Variants in RTN1 observed in about 807,000 individuals in gnomAD.
RTN1 encodes reticulon 1.
A neutral mutation model predicts 65.5 loss-of-function variants in RTN1; 25 were observed. The ratio of observed to expected loss-of-function variants is 0.38; its 90% CI spans 0.28 to 0.53. The LOEUF (loss-of-function observed/expected upper bound fraction) is 0.53. Ranked by LOEUF, RTN1 falls within the 20% of genes least tolerant of loss-of-function variation. The pLI, the probability that RTN1 is intolerant of heterozygous loss-of-function variation, is 0.79. For missense variants in RTN1, 983 were observed against 1,025.4 expected, an observed-to-expected ratio of 0.96 and a Z score of 0.57; for synonymous variants, 471 against 447.6, an observed-to-expected ratio of 1.05 and a Z score of -0.66.
At chr14:59,625,643 A>T (rs780101388) in intron 3 of RTN1, among the ~76,000 whole-genome samples, 10 of 152,172 alleles carry the variant, frequency 6.6e-5, no homozygotes, top group Non-Finnish European at 1.2e-4. Flanking sequence ...TATTCAGCAA[A>T]TCTTAACAAC....
At chr14:59,837,578 C>G (rs542602032) in intron 1 of RTN1, among the ~76,000 whole-genome samples, 30 of 151,800 alleles carry the variant, frequency 2.0e-4, no homozygotes, top group African/African-American at 7.2e-4. Flanking sequence ...GAACTTTTAT[C>G]AAGAGAAACA....
At chr14:59,728,929 T>C (rs1303771094) in intron 2 of RTN1, among the ~76,000 whole-genome samples, 1 of 152,156 alleles carries the variant, frequency 6.6e-6, no homozygotes, top group African/African-American at 2.4e-5. Context: ...ACAAACAATA[T>C]ATATAGTAAA....
chr14:59,791,450 T>C (rs1349395223), intron 1 of RTN1, among the ~76,000 whole-genome samples: 2 of 152,232 alleles, frequency 1.3e-5, no homozygotes, highest in South Asian at 2.1e-4. Flanking sequence ...GTGCTGCACC[T>C]GGGTGCACAT....
intron 3 of RTN1, among the ~76,000 whole-genome samples, chr14:59,673,629 G>A (rs967869864): frequency 8.5e-5 from 13 of 152,256 alleles, no homozygotes; most frequent in African/African-American, 3.1e-4. Flanking sequence ...CATGCTGATT[G>A]GTCCATGGGT....
intron 3 of RTN1, among the ~76,000 whole-genome samples, chr14:59,669,036 AG>A (rs1196803313): frequency 4.6e-5 from 7 of 152,322 alleles, no homozygotes; most frequent in Admixed American, 3.3e-4. Context: ...CCACTGTGGA[AG>A]ACAGTGTGGC....
Position 59,817,850 on chromosome 14 carries a change from G to A in RTN1, c.241+52540C>T, listed in dbSNP as rs140770710. ...AGTGCTTAACACTTGTTTCCTTACC[G>A]TGAGATCAAATAGTTTTCTTTTTTT... On this transcript the variant is annotated intron_variant, in intron 1 of 8. Coordinates refer to ENST00000267484, the MANE Select transcript of RTN1 (RefSeq NM_021136.3). Among the ~76,000 whole-genome samples, 11 of 152,206 alleles carry A rather than the reference G, an allele frequency of 7.2e-5. No individual in the cohort carries two copies. The East Asian group carries it at 1.5e-3, about 21-fold the overall frequency.
Position 59,603,944 on chromosome 14 carries a change from G to C in RTN1, c.2113-23C>G, listed in dbSNP as rs201840289. The C allele has an allele frequency of 1.8e-4, 293 of 1,601,868 alleles. 1 individual carries two copies. The highest frequency in any genetic ancestry group is 1.5e-3 in the Middle Eastern group (9 of 6,008). On this transcript the variant is annotated intron_variant, in intron 5 of 8. Transcript: ENST00000267484. ...AAACTGAAGAACGAAAGCATTATTA[G>C]AGCTCCTAAAACCCTTCCTGACAAG...
rs976514247 is a variant in RTN1 at position 59,825,041 on chromosome 14, T to C, written c.241+45349A>G. Among the ~76,000 whole-genome samples the C allele has an allele frequency of 3.3e-5, 5 of 152,170 alleles. No homozygotes were observed. Among genetic ancestry groups the C allele is most frequent in the Non-Finnish European group, 7.4e-5 (5 of 68,024 alleles). On this transcript the variant is annotated intron_variant, in intron 1 of 8. Transcript: ENST00000267484. The surrounding 1 kb of genome is among the most constrained non-coding windows in gnomAD (Gnocchi z 4.2). ...AGGGTAAAAACTTTCAGTTACAAGA[T>C]AAATAAGTTCTGGAAATCTAATGTA...
chr14:59,614,738 C>T (rs1027150753), intron 3 of RTN1, among the ~76,000 whole-genome samples: 1 of 152,146 alleles, frequency 6.6e-6, no homozygotes, highest in Non-Finnish European at 1.5e-5. Flanking sequence ...AAGCCAAGTC[C>T]ACTAGCTATG....
chr14:59,776,622 T>G (rs1204473643), intron 1 of RTN1, among the ~76,000 whole-genome samples: 1 of 152,132 alleles, frequency 6.6e-6, no homozygotes, highest in Non-Finnish European at 1.5e-5. Context: ...TTAGCCCTTC[T>G]CTCTATCTCA....
At chr14:59,756,882 T>A (rs1594727486) in intron 1 of RTN1, among the ~76,000 whole-genome samples, 1 of 147,234 alleles carries the variant, frequency 6.8e-6, no homozygotes, top group African/African-American at 2.5e-5. Context: ...TGGAGTGCAG[T>A]GGTACCATCA....
chr14:59,823,752 G>C (rs1260714668), intron 1 of RTN1, among the ~76,000 whole-genome samples: 1 of 152,014 alleles, frequency 6.6e-6, no homozygotes, highest in Non-Finnish European at 1.5e-5. Context: ...GTGTGTCTTG[G>C]GGATGGTTGT....
At chr14:59,653,089 G>A (rs559356406) in intron 3 of RTN1, among the ~76,000 whole-genome samples, 3 of 152,158 alleles carry the variant, frequency 2.0e-5, no homozygotes, top group South Asian at 2.1e-4. Flanking sequence ...CAAACCTCAC[G>A]TAGTTTAAAG....
chr14:59,702,527 G>T (rs1884201212), intron 3 of RTN1, among the ~76,000 whole-genome samples: 1 of 152,134 alleles, frequency 6.6e-6, no homozygotes, highest in Non-Finnish European at 1.5e-5. Flanking sequence ...TAGGGCTGCT[G>T]AAACCCAAAA....
intron 3 of RTN1, among the ~76,000 whole-genome samples, chr14:59,668,749 A>G (rs947549388): frequency 6.6e-6 from 1 of 152,202 alleles, no homozygotes; most frequent in African/African-American, 2.4e-5. Flanking sequence ...ATTCAAACAA[A>G]TTTACAAGAA....
intron 3 of RTN1, among the ~76,000 whole-genome samples, chr14:59,687,932 C>T (rs1883882088): frequency 6.6e-6 from 1 of 152,108 alleles, no homozygotes; most frequent in South Asian, 2.1e-4. Context: ...TACAGAGAGC[C>T]TGTTTGCCTA....
intron 3 of RTN1, among the ~76,000 whole-genome samples, chr14:59,612,168 G>A (rs1350578002): frequency 6.6e-6 from 1 of 152,198 alleles, no homozygotes; most frequent in Non-Finnish European, 1.5e-5. Context: ...GATGGAAAAT[G>A]TTAATTCGGT....
chr14:59,712,698 G>T (rs1377249299), intron 3 of RTN1, among the ~76,000 whole-genome samples: 1 of 152,162 alleles, frequency 6.6e-6, no homozygotes, highest in Non-Finnish European at 1.5e-5. Context: ...GATCACCTGA[G>T]GTCAGGAGTT....
At chr14:59,750,311 ATAATATC>A (rs1277502866) in intron 1 of RTN1, among the ~76,000 whole-genome samples, 2 of 56,202 alleles carry the variant, frequency 3.6e-5, no homozygotes, top group East Asian at 6.7e-4. Flanking sequence ...TATATAATAT[ATAATATC>A]TATAATATAT....
Sources: gnomAD v4.1 joint callset for allele counts (sites outside exome capture counted in the v4.1 genomes callset) on GRCh38, gnomAD v4.1.1 for gene constraint, Gnocchi (gnomAD v3.1) non-coding constraint, MANE v1.5 for transcripts, NCBI Gene and HGNC (gene_info 2026-07-23, HGNC 2026-07-21) for gene names.